The following PMEPA1 variants were observed in gnomAD, a reference collection of about 807,000 sequenced individuals.
PMEPA1 encodes protein TMEPAI.
PMEPA1 carries 11 observed loss-of-function variants against 23.0 expected under a neutral mutation model. The ratio of observed to expected loss-of-function variants is 0.48; its 90% CI spans 0.30 to 0.79. PMEPA1 has a LOEUF of 0.79. Among genes scored for constraint, PMEPA1 ranks in the 30% least tolerant of loss-of-function variants. PMEPA1 has a pLI of 0.06. For missense variants in PMEPA1, 377 were observed against 390.9 expected (o/e 0.96, Z 0.30); for synonymous variants, 204 against 166.4 (o/e 1.23, Z -1.74).
intron 1 of PMEPA1, among the ~76,000 whole-genome samples, chr20:57,660,219 G>T (rs1010405376): frequency 2.6e-5 from 4 of 152,036 alleles, no homozygotes; most frequent in Non-Finnish European, 4.4e-5. Flanking sequence ...CACTGAGTTT[G>T]GGAGTGAAGC....
intron 1 of PMEPA1, among the ~76,000 whole-genome samples, chr20:57,678,450 G>A (rs913996697): frequency 6.6e-6 from 1 of 152,270 alleles, no homozygotes; most frequent in Non-Finnish European, 1.5e-5. Context: ...GCTGAGGCCA[G>A]CAGCCTTAAG....
chr20:57,662,790 C>T (rs1440600023), intron 1 of PMEPA1, among the ~76,000 whole-genome samples: 3 of 152,116 alleles, frequency 2.0e-5, no homozygotes, highest in African/African-American at 2.4e-5. Flanking sequence ...CAGCTGTCTC[C>T]AGGGGCCCAG....
chr20:57,700,144 T>C, intron 1 of PMEPA1: 1 of 471,488 alleles, frequency 2.1e-6, no homozygotes, highest in Non-Finnish European at 4.4e-6. Flanking sequence ...ACTCTTCCAC[T>C]CCTGATGCTG....
At chr20:57,657,594 G>A (rs2071345400) in intron 2 of PMEPA1, among the ~76,000 whole-genome samples, 4 of 152,158 alleles carry the variant, frequency 2.6e-5, no homozygotes, top group Non-Finnish European at 4.4e-5. Flanking sequence ...GTGCTGGGAC[G>A]CACAGTGGGC....
At chr20:57,676,785 G>A (rs558194732) in intron 1 of PMEPA1, among the ~76,000 whole-genome samples, 1 of 152,196 alleles carries the variant, frequency 6.6e-6, no homozygotes, top group East Asian at 1.9e-4. Context: ...GTGGCCAAAG[G>A]AGGAGGAGAG....
chr20:57,651,620 A>C lies in PMEPA1; in HGVS notation c.*433T>G, dbSNP rs1302625631. The C allele has an allele frequency of 6.6e-6, 1 of 151,508 alleles. No homozygotes were observed. The highest frequency in any genetic ancestry group is 1.5e-5 in the Non-Finnish European group (1 of 67,848). 9.4% of individuals were successfully genotyped at this position (151,508 alleles called of 1,614,324 possible). ...AATACAAAAATACTCCTGCCCTCGC[A>C]CATACAGTTTCTCTTATCTTATATA... On this transcript the variant is annotated 3_prime_UTR_variant, in exon 4 of 4. Coordinates refer to ENST00000341744, the MANE Select transcript of PMEPA1 (RefSeq NM_020182.5).
At chr20:57,664,037 C>T (rs1600634536) in intron 1 of PMEPA1, among the ~76,000 whole-genome samples, 2 of 152,348 alleles carry the variant, frequency 1.3e-5, no homozygotes, top group East Asian at 1.9e-4. Flanking sequence ...TTCCAGGAGA[C>T]GCTCAGCTTT....
chr20:57,661,170 C>T (rs531002381), intron 1 of PMEPA1, among the ~76,000 whole-genome samples: 2 of 152,170 alleles, frequency 1.3e-5, no homozygotes, highest in South Asian at 2.1e-4. Context: ...TTTGTTTTTC[C>T]CCTAGAAGGC....
At chr20:57,708,831 C>A (rs757060635) in intron 1 of PMEPA1, among the ~76,000 whole-genome samples, 47 of 152,240 alleles carry the variant, frequency 3.1e-4, no homozygotes, top group South Asian at 2.5e-3. Context: ...TCAAGAAAGG[C>A]ACCCCGGCCC....
At chr20:57,661,576 C>T (rs929367034) in intron 1 of PMEPA1, among the ~76,000 whole-genome samples, 2 of 152,224 alleles carry the variant, frequency 1.3e-5, no homozygotes, top group African/African-American at 4.8e-5. Flanking sequence ...GTTCCTCCTC[C>T]TCCCAGGACC....
chr20:57,655,857 G>C lies in PMEPA1; in HGVS notation c.265-2771C>G, dbSNP rs2071319245. On this transcript the variant is annotated intron_variant, in intron 2 of 3. Transcript: ENST00000341744. This position sits in a 1 kb window ranked among gnomAD's most constrained non-coding sequence, Gnocchi z 4.2. The stretch of plus-strand genomic sequence containing the variant: ...GAGTAAAATATTTTCTGGTTTGTGG[G>C]CCGGCGGGTCTCTGTCATACCACTG... Among the ~76,000 whole-genome samples the C allele has an allele frequency of 6.6e-6, 1 of 152,166 alleles. No individual in the cohort carries two copies. The highest frequency in any genetic ancestry group is 2.1e-4 in the South Asian group (1 of 4,824).
intron 1 of PMEPA1, among the ~76,000 whole-genome samples, chr20:57,676,439 G>T (rs1399393575): frequency 6.6e-6 from 1 of 152,236 alleles, no homozygotes; most frequent in Non-Finnish European, 1.5e-5. Context: ...ATGCTGACCG[G>T]GCAAGCATGG....
chr20:57,703,850 C>T (rs958889529), intron 1 of PMEPA1, among the ~76,000 whole-genome samples: 1 of 152,216 alleles, frequency 6.6e-6, no homozygotes, highest in Non-Finnish European at 1.5e-5. Flanking sequence ...TCTATGAACA[C>T]ACAGCTGCTC....
chr20:57,699,981 C>T (rs1171048152), intron 1 of PMEPA1: 2 of 469,828 alleles, frequency 4.3e-6, no homozygotes, highest in Admixed American at 2.4e-5. Context: ...ATTGTATATA[C>T]TTGAAGATAC....
intron 1 of PMEPA1, among the ~76,000 whole-genome samples, chr20:57,696,789 G>C (rs193004909): frequency 1.3e-4 from 20 of 152,336 alleles, no homozygotes; most frequent in Admixed American, 1.3e-3. Context: ...AGAGTGAAAG[G>C]GAATGCCGCG....
intron 2 of PMEPA1, among the ~76,000 whole-genome samples, 163 bp from the exon 3 acceptor site, chr20:57,653,249 C>A (rs374297850): frequency 6.6e-6 from 1 of 152,358 alleles, no homozygotes; most frequent in Admixed American, 6.5e-5. Context: ...GCCCTGGGCG[C>A]TTTTCCAGGA....
intron 2 of PMEPA1, among the ~76,000 whole-genome samples, chr20:57,658,966 G>A (rs2071366915): frequency 6.6e-6 from 1 of 152,196 alleles, no homozygotes; most frequent in African/African-American, 2.4e-5. Context: ...ATGCCTTCCT[G>A]TGCTGCCTGC....
Position 57,651,835 on chromosome 20 carries a change from G to GTTTT in PMEPA1, c.*214_*217dup. The GTTTT allele has an allele frequency of 3.3e-6, 1 of 305,184 alleles. No individual in the cohort carries two copies. The highest frequency in any genetic ancestry group is 1.6e-4 in the South Asian group (1 of 6,296). The allele number at this position is 305,184 out of a possible 1,614,324, so 18.9% of individuals were successfully genotyped here. ...AGACACAGCTCAACAAAGAAACGTGGTTTTTTTTTTTCTTTTTTCTTTTTT... is the reference window on the plus strand; with the variant it reads ...AGACACAGCTCAACAAAGAAACGTGGTTTTTTTTTTTTTTTCTTTTTTCTTTTTT... On this transcript the variant is annotated 3_prime_UTR_variant, in exon 4 of 4. Transcript: ENST00000341744.
intron 1 of PMEPA1, among the ~76,000 whole-genome samples, chr20:57,668,172 C>T (rs2146661332): frequency 6.6e-6 from 1 of 152,242 alleles, no homozygotes; most frequent in Admixed American, 6.5e-5. Context: ...GGGAGGGACG[C>T]TGAGAGGGGA....
Sources: gnomAD v4.1 joint callset for allele counts (sites outside exome capture counted in the v4.1 genomes callset) on GRCh38, gnomAD v4.1.1 for gene constraint, Gnocchi (gnomAD v3.1) non-coding constraint, MANE v1.5 for transcripts, NCBI Gene and HGNC (gene_info 2026-07-23, HGNC 2026-07-21) for gene names.